The following FHIT variants were observed in gnomAD, a reference collection of about 807,000 sequenced individuals.
FHIT encodes the protein bis(5'-adenosyl)-triphosphatase.
FHIT carries 19 observed loss-of-function variants against 17.9 expected under a neutral mutation model. That is an observed-to-expected ratio of 1.06 (90% CI 0.74 to 1.56). The LOEUF (loss-of-function observed/expected upper bound fraction) is 1.56. Ranked by LOEUF, FHIT falls within the 40% of genes most tolerant of loss-of-function variation. FHIT has a pLI of 0.00. For missense variants in FHIT, 248 were observed against 189.2 expected (o/e 1.31, Z -1.82); for synonymous variants, 81 against 69.7 (o/e 1.16, Z -0.81).
At chr3:60,841,984 G>A (rs377091987) in intron 3 of FHIT, among the ~76,000 whole-genome samples, 6 of 152,018 alleles carry the variant, frequency 3.9e-5, no homozygotes, top group East Asian at 1.9e-4. Context: ...GATGTGAATC[G>A]AACTACATCT....
chr3:60,451,538 C>T (rs2031746513), intron 5 of FHIT, among the ~76,000 whole-genome samples: 1 of 152,056 alleles, frequency 6.6e-6, no homozygotes, highest in Non-Finnish European at 1.5e-5. Flanking sequence ...GTGCTATTTT[C>T]CAGAAGTTGT....
chr3:60,258,616 G>C (rs1402794854), intron 5 of FHIT, among the ~76,000 whole-genome samples: 2 of 152,104 alleles, frequency 1.3e-5, no homozygotes, highest in Non-Finnish European at 2.9e-5. Flanking sequence ...CTAAGTTCAT[G>C]GCTGAGGCAC....
intron 1 of FHIT, among the ~76,000 whole-genome samples, chr3:61,204,408 C>T (rs1034205551): frequency 3.3e-5 from 5 of 151,944 alleles, no homozygotes; most frequent in South Asian, 4.2e-4. Flanking sequence ...GCTCTATTTC[C>T]GAATTTTAAA....
chr3:60,747,166 T>C (rs2042375217), intron 4 of FHIT, among the ~76,000 whole-genome samples: 1 of 151,984 alleles, frequency 6.6e-6, no homozygotes, highest in East Asian at 1.9e-4. Flanking sequence ...TCTGTGTATG[T>C]GAGTATTCTC....
intron 5 of FHIT, among the ~76,000 whole-genome samples, chr3:60,059,686 C>T (rs1013324741): frequency 3.3e-5 from 5 of 152,062 alleles, no homozygotes; most frequent in African/African-American, 9.7e-5. Context: ...ATCGATTAGC[C>T]GCCAGTAACC....
chr3:60,436,281 C>G lies in FHIT; in HGVS notation c.103+100579G>C, dbSNP rs185435067. The stretch of plus-strand genomic sequence containing the variant: ...GCCAGGATGGTCTCAGACTCCTGAC[C>G]TCAAGTGATCCACCCACCTCGGCCT... On this transcript the variant is annotated intron_variant, in intron 5 of 9. Transcript: ENST00000492590. 1.8e-3 allele frequency among the ~76,000 whole-genome samples: 278 copies of G among 152,182 alleles called. 1 individual carries two copies. Among genetic ancestry groups the G allele is most frequent in the Non-Finnish European group, 3.5e-3 (236 of 67,992 alleles).
chr3:60,382,458 T>G (rs1017508530), intron 5 of FHIT, among the ~76,000 whole-genome samples: 6 of 152,370 alleles, frequency 3.9e-5, no homozygotes, highest in Admixed American at 2.0e-4. Context: ...AATCACAATC[T>G]GGGTCTAATC....
intron 5 of FHIT, among the ~76,000 whole-genome samples, chr3:60,273,020 G>T (rs1276973216): frequency 6.6e-6 from 1 of 152,134 alleles, no homozygotes; most frequent in Non-Finnish European, 1.5e-5. Flanking sequence ...CTCTAACAAG[G>T]TAAACAATGG....
At chr3:60,000,199 A>G (rs1553645335) in intron 7 of FHIT, among the ~76,000 whole-genome samples, 3 of 152,102 alleles carry the variant, frequency 2.0e-5, no homozygotes, top group Non-Finnish European at 2.9e-5. Context: ...TAGGATTCCT[A>G]AAGTCAAGGG....
intron 3 of FHIT, among the ~76,000 whole-genome samples, chr3:61,016,278 C>T (rs549641951): frequency 2.0e-5 from 3 of 152,146 alleles, no homozygotes; most frequent in African/African-American, 4.8e-5. Context: ...ATGGAAATCA[C>T]GTGATTAATG....
At chr3:60,619,600 CAAAAAA>C (rs57198487) in intron 4 of FHIT, among the ~76,000 whole-genome samples, 154 of 88,656 alleles carry the variant, frequency 1.7e-3, no homozygotes, top group African/African-American at 6.5e-3. Context: ...TACCCACATG[CAAAAAA>C]AAAAAAAAAA....
intron 8 of FHIT, among the ~76,000 whole-genome samples, chr3:59,908,584 T>C (rs1344907637): frequency 6.6e-6 from 1 of 152,166 alleles, no homozygotes; most frequent in Non-Finnish European, 1.5e-5. Flanking sequence ...AGTGGATTAC[T>C]TGGACACCAG....
At chr3:60,072,425 AGTCAACAACAACAAAACATC>A (rs370644488) in intron 5 of FHIT, among the ~76,000 whole-genome samples, 12,768 of 152,098 alleles carry the variant, frequency 0.084, 689 homozygotes, top group African/African-American at 0.16. Flanking sequence ...AAACCAACCA[AGTCAACAACAACAAAACATC>A]GTCAACAACA....
At chr3:60,415,593 C>A (rs900053461) in intron 5 of FHIT, among the ~76,000 whole-genome samples, 5 of 152,118 alleles carry the variant, frequency 3.3e-5, no homozygotes, top group African/African-American at 9.6e-5. Context: ...GCTGGACAAC[C>A]AAGTATATGA....
At chr3:61,119,338 C>T (rs946539852) in intron 2 of FHIT, among the ~76,000 whole-genome samples, 3 of 152,088 alleles carry the variant, frequency 2.0e-5, no homozygotes, top group Admixed American at 2.0e-4. Context: ...CTGCTTCAGC[C>T]TCCTGAGCAG....
chr3:60,853,613 T>C (rs553181540), intron 3 of FHIT, among the ~76,000 whole-genome samples: 1 of 152,190 alleles, frequency 6.6e-6, no homozygotes, highest in African/African-American at 2.4e-5. Context: ...GAAGCAAACC[T>C]CACCTTTGTA....
At chr3:61,164,341 C>G (rs2037775538) in intron 2 of FHIT, among the ~76,000 whole-genome samples, 1 of 152,166 alleles carries the variant, frequency 6.6e-6, no homozygotes, top group South Asian at 2.1e-4. Context: ...ACCAGCAGTA[C>G]CTCTTGGAAA....
intron 2 of FHIT, among the ~76,000 whole-genome samples, chr3:61,196,887 C>T (rs1022384954): frequency 6.6e-6 from 1 of 152,166 alleles, no homozygotes; most frequent in Non-Finnish European, 1.5e-5. Flanking sequence ...CCTCGTGTTC[C>T]CAGGTCTTCA....
At chr3:59,985,359 G>T (rs1028511100) in intron 7 of FHIT, among the ~76,000 whole-genome samples, 1 of 152,028 alleles carries the variant, frequency 6.6e-6, no homozygotes, top group Non-Finnish European at 1.5e-5. Context: ...GACATAGGGG[G>T]TTATTTGTAA....
Sources: gnomAD v4.1 joint callset for allele counts (sites outside exome capture counted in the v4.1 genomes callset) on GRCh38, gnomAD v4.1.1 for gene constraint, MANE v1.5 for transcripts, NCBI Gene and HGNC (gene_info 2026-07-23, HGNC 2026-07-21) for gene names.